The following CTPS1 variants were observed in gnomAD, a reference collection of about 807,000 sequenced individuals.
The protein encoded by CTPS1 is CTP synthetase 1.
CTPS1 carries 25 observed loss-of-function variants against 80.5 expected under a neutral mutation model. That is an observed-to-expected ratio of 0.31 (90% CI 0.23 to 0.43). The LOEUF (loss-of-function observed/expected upper bound fraction) is 0.43. Ranked by LOEUF, CTPS1 falls within the 20% of genes least tolerant of loss-of-function variation. The pLI is 1.00. For synonymous variants in CTPS1, 267 were observed against 252.5 expected, an observed-to-expected ratio of 1.06 and a Z score of -0.54; for missense variants, 442 against 725.7, an observed-to-expected ratio of 0.61 and a Z score of 4.49.
At chr1:41,011,456 G>A (rs1434709504) in intron 18 of CTPS1, among the ~76,000 whole-genome samples, 2 of 152,182 alleles carry the variant, frequency 1.3e-5, no homozygotes, top group East Asian at 1.9e-4. Context: ...TTGGGTGGTT[G>A]TAGAAGTCGA....
rs1365979523 is a variant in CTPS1, at chr1:41,012,428, T to TA, written c.*781dup. 1 of 152,040 alleles carries TA rather than the reference T, an allele frequency of 6.6e-6. No individual in the cohort carries two copies. The highest frequency in any genetic ancestry group is 1.5e-5 in the Non-Finnish European group (1 of 67,930). 9.4% of individuals were successfully genotyped at this position (152,040 alleles called of 1,614,324 possible). On this transcript the variant is annotated 3_prime_UTR_variant, in exon 19 of 19. Transcript: ENST00000650070. ...GTCCATTTTTCTTCCAGGATGGTGTTACTGCAGTTGAAAGGGCAATATGAA... is the reference window on the plus strand; with the variant it reads ...GTCCATTTTTCTTCCAGGATGGTGTTAACTGCAGTTGAAAGGGCAATATGAA...
rs1651766359 is a variant in CTPS1, at chr1:40,979,790, C to T, written c.-53C>T. On this transcript the variant is annotated 5_prime_UTR_variant, in exon 1 of 19. Coordinates refer to ENST00000650070, the MANE Select transcript of CTPS1 (RefSeq NM_001905.4). Reference sequence around the variant, plus strand: ...CGGGGCTCCGCGCGCGTCGCCGGCCCAGCTCTGTCGCTGACGGGAGGATCT... The same window carrying T: ...CGGGGCTCCGCGCGCGTCGCCGGCCTAGCTCTGTCGCTGACGGGAGGATCT... The T allele has an allele frequency of 6.6e-6, 1 of 152,278 alleles. No homozygotes were observed. 9.4% of individuals were successfully genotyped at this position (152,278 alleles called of 1,614,324 possible).
chr1:41,009,725 C>A, intron 17 of CTPS1, 136 bp downstream of exon 17: 1 of 1,019,870 alleles, frequency 9.8e-7, no homozygotes, highest in South Asian at 1.6e-5. Context: ...AGTTTCCTCT[C>A]CTTTCCCGGA....
intron 3 of CTPS1, 39 bp downstream of exon 3, chr1:40,985,030 C>T: frequency 2.8e-6 from 4 of 1,436,400 alleles, no homozygotes; most frequent in Non-Finnish European, 3.7e-6. Flanking sequence ...AAAGTCTTAA[C>T]CAGTTTAATT....
Position 41,007,292 on chromosome 1 carries a change from A to C in CTPS1, c.1297-157A>C, listed in dbSNP as rs1643057547. Among the ~76,000 whole-genome samples the C allele has an allele frequency of 6.6e-6, 1 of 152,344 alleles. No individual in the cohort carries two copies. Among genetic ancestry groups the C allele is most frequent in the East Asian group, 1.9e-4 (1 of 5,184 alleles). ...CACCCAACCGAGGTTACAAATGCCA[A>C]CTGGGAGGCATTTTCTTCTGTGACA... On this transcript the variant is annotated intron_variant, in intron 13 of 18. Coordinates refer to ENST00000650070, the MANE Select transcript of CTPS1 (RefSeq NM_001905.4). This position sits in a 1 kb window ranked among gnomAD's most constrained non-coding sequence, Gnocchi z 4.4.
rs1014223697 is a variant in CTPS1 at position 41,007,101 on chromosome 1, G to A, written c.1297-348G>A. Among the ~76,000 whole-genome samples the A allele has an allele frequency of 6.6e-6, 1 of 152,164 alleles. No homozygotes were observed. The highest frequency in any genetic ancestry group is 1.9e-4 in the East Asian group (1 of 5,190). ...GAGCAGTCATCAGGCTAGCTGGGGC[G>A]ATGACAGACATGTTATGACACATCC... On this transcript the variant is annotated intron_variant, in intron 13 of 18. Coordinates refer to ENST00000650070, the MANE Select transcript of CTPS1 (RefSeq NM_001905.4). The surrounding 1 kb of genome is among the most constrained non-coding windows in gnomAD (Gnocchi z 4.4).
intron 1 of CTPS1, chr1:40,981,035 A>T (rs1651869269): frequency 6.6e-6 from 1 of 152,258 alleles, no homozygotes; most frequent in Non-Finnish European, 1.5e-5. Flanking sequence ...CCTTCCTCTG[A>T]TGGCCATGGT....
At chr1:40,993,560 A>G (rs1642670653) in intron 7 of CTPS1, among the ~76,000 whole-genome samples, 2 of 151,510 alleles carry the variant, frequency 1.3e-5, no homozygotes, top group African/African-American at 4.9e-5. Flanking sequence ...CTGGTCTTGA[A>G]CTCTTTGGGC....
rs1642790180 is a variant in CTPS1, at chr1:40,997,639, GA to G, written c.1005+115del. The G allele has an allele frequency of 1.5e-5, 20 of 1,300,998 alleles. No homozygotes were observed. In the South Asian group the frequency reaches 3.0e-4, roughly 19 times the overall value. The allele number at this position is 1,300,998 out of a possible 1,614,324, so 80.6% of individuals were successfully genotyped here. ...TTGGAGCTCAGAATTACTTTTTAAG[GA>G]ATTACTTTTTAAGGATTAAAAAGAT... On this transcript the variant is annotated intron_variant, in intron 9 of 18. Transcript: ENST00000650070.
At chr1:40,998,609 T>C (rs903316223) in intron 9 of CTPS1, among the ~76,000 whole-genome samples, 1 of 152,146 alleles carries the variant, frequency 6.6e-6, no homozygotes, top group African/African-American at 2.4e-5. Context: ...CTGAGAATTA[T>C]GCCTGGCATA....
At chr1:40,983,065 C>G (rs1642360326) in intron 1 of CTPS1, 1 of 419,120 alleles carries the variant, frequency 2.4e-6, no homozygotes, top group African/African-American at 2.0e-5. Flanking sequence ...AGTTGTTTTT[C>G]TACACGTATT....
intron 3 of CTPS1, among the ~76,000 whole-genome samples, chr1:40,985,634 GA>G (rs1490501521): frequency 6.6e-5 from 10 of 152,236 alleles, no homozygotes; most frequent in African/African-American, 2.4e-4. Flanking sequence ...AGAGGTTGCT[GA>G]AAAGTGGCTT....
intron 8 of CTPS1, among the ~76,000 whole-genome samples, chr1:40,996,360 C>T (rs12027691): frequency 0.1 from 15,764 of 152,202 alleles, 1,200 homozygotes; most frequent in East Asian, 0.27. Context: ...GATGGGCGTC[C>T]TGGTGGCAGC....
chr1:41,005,414 C>T (rs1643009290), intron 12 of CTPS1, among the ~76,000 whole-genome samples: 1 of 151,954 alleles, frequency 6.6e-6, no homozygotes, highest in South Asian at 2.1e-4. Flanking sequence ...TGCACTCCAG[C>T]CTGCCCACAC....
rs1643182366 is a variant in CTPS1 at position 41,011,899 on chromosome 1, C to T, written c.*251C>T. On this transcript the variant is annotated 3_prime_UTR_variant, in exon 19 of 19. Coordinates refer to ENST00000650070, the MANE Select transcript of CTPS1 (RefSeq NM_001905.4). ...TTGCGGCAGAACATCGCGATGGGAA[C>T]CGATGGTGGGTGGGGCTGCAGAGTG... The T allele has an allele frequency of 6.6e-6, 1 of 152,132 alleles. No homozygotes were observed. The highest frequency in any genetic ancestry group is 6.5e-5 in the Admixed American group (1 of 15,270). The allele number at this position is 152,132 out of a possible 1,614,324, so 9.4% of individuals were successfully genotyped here. A position where few individuals can be genotyped will look rare whatever the true frequency, so the allele number is the denominator to read the frequency against.
chr1:41,000,933 G>T (rs1023232136), intron 9 of CTPS1, 96 bp from the exon 10 acceptor site: 6 of 720,894 alleles, frequency 8.3e-6, no homozygotes, highest in African/African-American at 3.7e-5. Flanking sequence ...AATCAAGAAA[G>T]ACAACTTTGA....
At chr1:40,997,618 A>G in intron 9 of CTPS1, 92 bp downstream of exon 9, 3 of 1,424,452 alleles carry the variant, frequency 2.1e-6, no homozygotes, top group East Asian at 2.5e-5. Context: ...TTCTGTTTGG[A>G]GCTCAGAATT....
chr1:41,008,733 T>C lies in CTPS1; in HGVS notation c.1449+19T>C. On this transcript the variant is annotated intron_variant, in intron 15 of 18. Coordinates refer to ENST00000650070, the MANE Select transcript of CTPS1 (RefSeq NM_001905.4). ...ATTTGAGGTGAGGATTCCAGCTTGC[T>C]GGTACTCTGGAAAGATAGTGAGCTG... 6.2e-7 allele frequency: 1 copy of C among 1,614,102 alleles called. No individual in the cohort carries two copies. Among genetic ancestry groups the C allele is most frequent in the Non-Finnish European group, 8.5e-7 (1 of 1,179,948 alleles).
intron 9 of CTPS1, 135 bp from the exon 10 acceptor site, chr1:41,000,894 C>T: frequency 2.1e-6 from 1 of 478,736 alleles, no homozygotes; most frequent in Non-Finnish European, 3.7e-6. Context: ...ACTTTAAAGC[C>T]AGTATTAAGA....
Sources: allele counts gnomAD v4.1 joint callset (sites outside exome capture counted in the v4.1 genomes callset), GRCh38; gene constraint gnomAD v4.1.1; non-coding constraint Gnocchi (gnomAD v3.1); transcripts MANE v1.5; gene names NCBI Gene and HGNC (gene_info 2026-07-23, HGNC 2026-07-21).